The following FLI1 variants were observed in gnomAD, a reference collection of about 807,000 sequenced individuals.
FLI1 encodes the protein Fli-1 proto-oncogene, ETS transcription factor.
A neutral mutation model predicts 53.1 loss-of-function variants in FLI1; 13 were observed. The observed-to-expected ratio is 0.24, with a 90% CI of 0.16 to 0.39. The LOEUF is 0.39. FLI1 is among the 10% of genes least tolerant of loss of function. The pLI is 1.00. For synonymous variants in FLI1, 244 were observed against 236.7 expected (o/e 1.03, Z -0.28); for missense variants, 424 against 600.5 (o/e 0.71, Z 3.07).
intron 5 of FLI1, among the ~76,000 whole-genome samples, chr11:128,803,465 C>T (rs1342974315): frequency 1.3e-5 from 2 of 152,172 alleles, no homozygotes; most frequent in African/African-American, 4.8e-5. Context: ...TCACCACCCA[C>T]CTCTGCCTTG....
In FLI1 at chr11:128,740,570, A is replaced by G. The variant is rs552776232; in HGVS notation, c.19-17545A>G. Among the ~76,000 whole-genome samples the G allele has an allele frequency of 1.2e-4, 19 of 152,286 alleles. No individual in the cohort carries two copies. In the South Asian group the frequency reaches 3.5e-3, roughly 28 times the overall value. On this transcript the variant is annotated intron_variant, in intron 1 of 8. Transcript: ENST00000527786. ...TTTTCTGCATGCTCAGAGAATGCAA[A>G]TATTTTCACATTAGCTTAAATTAAA... is the stretch of plus-strand genomic sequence containing the variant.
Position 128,694,207 on chromosome 11 carries a change from T to C in FLI1, c.-52T>C. 1.3e-6 allele frequency: 2 copies of C among 1,524,024 alleles called. No individual in the cohort carries two copies. The highest frequency in any genetic ancestry group is 1.8e-6 in the Non-Finnish European group (2 of 1,136,718). 94.4% of individuals were successfully genotyped at this position (1,524,024 alleles called of 1,614,324 possible). On this transcript the variant is annotated 5_prime_UTR_variant, in exon 1 of 9. Coordinates refer to ENST00000527786, the MANE Select transcript of FLI1 (RefSeq NM_002017.5). ...CCGAAGGGGCTGCGAGGTCAGGCTG[T>C]AACCGGGTCAATGTGTGGAATATTG...
At chr11:128,716,083 G>A (rs910195937) in intron 1 of FLI1, among the ~76,000 whole-genome samples, 1 of 152,208 alleles carries the variant, frequency 6.6e-6, no homozygotes, top group African/African-American at 2.4e-5. Flanking sequence ...TATGGCATTG[G>A]TAGGGTTAGG....
At chr11:128,796,723 C>A (rs1053748858) in intron 5 of FLI1, among the ~76,000 whole-genome samples, 1 of 152,192 alleles carries the variant, frequency 6.6e-6, no homozygotes, top group African/African-American at 2.4e-5. Flanking sequence ...GCCTGTAATC[C>A]CAGCACTTTG....
intron 1 of FLI1, among the ~76,000 whole-genome samples, chr11:128,711,626 A>G (rs548490210): frequency 6.6e-6 from 1 of 152,364 alleles, no homozygotes; most frequent in South Asian, 2.1e-4. Context: ...TTTCATTGAA[A>G]AATAATCTTG....
At position 128,718,745 on chromosome 11, in the gene FLI1, A is replaced by T. The variant is rs1428265654; in HGVS notation, c.18+24469A>T. ...GCCTGTCCAAGCTCACTACTTTTCAAGAGGCCAATCCCTGGGTAAATCTTA... is the reference window on the plus strand; with the variant it reads ...GCCTGTCCAAGCTCACTACTTTTCATGAGGCCAATCCCTGGGTAAATCTTA... On this transcript the variant is annotated intron_variant, in intron 1 of 8. Transcript: ENST00000527786. Among the ~76,000 whole-genome samples the T allele has an allele frequency of 2.0e-5, 3 of 152,320 alleles. No individual in the cohort carries two copies. The East Asian group carries it at 5.8e-4, about 29-fold the overall frequency.
intron 1 of FLI1, among the ~76,000 whole-genome samples, chr11:128,698,711 C>CGTGTGTGTGTGTGT (rs10557859): frequency 5.1e-4 from 73 of 144,530 alleles, no homozygotes; most frequent in Middle Eastern, 3.5e-3. Flanking sequence ...TATGTGTTTG[C>CGTGTGTGTGTGTGT]GTGTGTGTGT....
At chr11:128,747,266 C>A (rs1334355835) in intron 1 of FLI1, among the ~76,000 whole-genome samples, 1 of 152,240 alleles carries the variant, frequency 6.6e-6, no homozygotes, top group African/African-American at 2.4e-5. Context: ...CGCAGCAGCA[C>A]TTTATCCACC....
intron 1 of FLI1, among the ~76,000 whole-genome samples, chr11:128,708,302 G>A: frequency 6.6e-6 from 1 of 152,222 alleles, no homozygotes; most frequent in African/African-American, 2.4e-5. Context: ...AGGTGGATTG[G>A]CATTTTCCAT....
At chr11:128,687,920 G>GTGAA (rs1324025975) in intron 1 of FLI1, among the ~76,000 whole-genome samples, 1 of 152,204 alleles carries the variant, frequency 6.6e-6, no homozygotes, top group Non-Finnish European at 1.5e-5. Context: ...GCAATAACCA[G>GTGAA]TGAATGGATG....
chr11:128,720,367 G>A (rs907262872), intron 1 of FLI1, among the ~76,000 whole-genome samples: 8 of 152,158 alleles, frequency 5.3e-5, no homozygotes, highest in Non-Finnish European at 8.8e-5. Context: ...TGTAACAGAC[G>A]CAGCCTTATC....
At position 128,724,714 on chromosome 11, in the gene FLI1, C is replaced by T. The variant is rs150297322; in HGVS notation, c.18+30438C>T. Among the ~76,000 whole-genome samples, 12 of 152,206 alleles carry T rather than the reference C, an allele frequency of 7.9e-5. No homozygotes were observed. In the East Asian group the frequency reaches 1.7e-3, roughly 22 times the overall value. Reference sequence around the variant, plus strand: ...AACAAGAGCACACATCGTCTTGATACGGGATCTAAATGGGTGCATGGTTCT... The same window carrying T: ...AACAAGAGCACACATCGTCTTGATATGGGATCTAAATGGGTGCATGGTTCT... On this transcript the variant is annotated intron_variant, in intron 1 of 8. Transcript: ENST00000527786.
intron 5 of FLI1, among the ~76,000 whole-genome samples, chr11:128,790,029 A>T (rs550835286): frequency 7.3e-5 from 11 of 150,392 alleles, no homozygotes; most frequent in African/African-American, 2.7e-4. Context: ...TAGCAAAAGC[A>T]GGGATGATTG....
intron 1 of FLI1, among the ~76,000 whole-genome samples, chr11:128,708,077 C>T (rs1938628296): frequency 1.3e-5 from 2 of 152,222 alleles, no homozygotes; most frequent in South Asian, 4.1e-4. Context: ...AGGAGAGACA[C>T]AGCCTCAGTG....
chr11:128,691,655 G>C (rs940320774), upstream of FLI1: 2 of 152,278 alleles, frequency 1.3e-5, no homozygotes, highest in African/African-American at 4.8e-5. Context: ...AACAGAAAGT[G>C]CGATGGAGTT....
At chr11:128,693,850 A>G (rs1469009369), upstream of FLI1, 2 of 233,728 alleles carry the variant, frequency 8.6e-6, no homozygotes, top group Non-Finnish European at 1.6e-5. Flanking sequence ...TGATGCGAAA[A>G]GCAGGACCAG....
chr11:128,687,587 G>C (rs566145716), intron 1 of FLI1, among the ~76,000 whole-genome samples: 64 of 152,038 alleles, frequency 4.2e-4, no homozygotes, highest in African/African-American at 1.3e-3. Flanking sequence ...CTGAAGCCCC[G>C]CCTCCAAGTG....
chr11:128,752,443 A>G (rs1275632225), intron 1 of FLI1, among the ~76,000 whole-genome samples: 2 of 152,350 alleles, frequency 1.3e-5, no homozygotes, highest in East Asian at 3.9e-4. Context: ...CTAGATGCGT[A>G]ATGAGCAGCA....
chr11:128,768,006 C>T (rs73573746), intron 2 of FLI1, 112 bp from the exon 3 acceptor site: 41 of 897,224 alleles, frequency 4.6e-5, no homozygotes, highest in Admixed American at 3.1e-4. Flanking sequence ...CAAGTGTGGC[C>T]GGGCAATGGC....
Sources: allele counts gnomAD v4.1 joint callset (sites outside exome capture counted in the v4.1 genomes callset), GRCh38; gene constraint gnomAD v4.1.1; transcripts MANE v1.5; gene names NCBI Gene and HGNC (gene_info 2026-07-23, HGNC 2026-07-21).